Variants in LAMA2 observed in about 807,000 individuals in gnomAD.
LAMA2 encodes the protein laminin subunit alpha-2.
In LAMA2, 269 loss-of-function variants were observed where a neutral mutation model predicts 364.8. The observed-to-expected ratio is 0.74, with a 90% CI of 0.67 to 0.82. LAMA2 has a LOEUF of 0.82. LAMA2 is among the 40% of genes least tolerant of loss of function. LAMA2 has a pLI of 0.00. For synonymous variants in LAMA2, 1,379 were observed against 1,370.6 expected, an observed-to-expected ratio of 1.01 and a Z score of -0.14; for missense variants, 3,807 against 3,873.2, an observed-to-expected ratio of 0.98 and a Z score of 0.45.
In LAMA2 at chr6:129,481,376, C is replaced by T. The variant is rs201578157; in HGVS notation, c.7686C>T (p.Ile2562=). 1 of 1,613,980 alleles carries T rather than the reference C, an allele frequency of 6.2e-7. No homozygotes were observed. The highest frequency in any genetic ancestry group is 2.2e-5 in the East Asian group (1 of 44,868). Residue 2562 remains isoleucine, a synonymous_variant, in exon 55 of 65, where the codon ATC becomes ATT. Transcript: ENST00000421865. ...LSFSTKNESG[I]ILLGSGGTPA... ...TCAGCACCAAGAATGAGTCCGGCAT[C>T]ATTCTTTTGGGAAGTGGAGGGACAC...
intron 20 of LAMA2, among the ~76,000 whole-genome samples, chr6:129,296,588 A>G (rs1213762874): frequency 6.6e-6 from 1 of 152,042 alleles, no homozygotes; most frequent in Non-Finnish European, 1.5e-5. Context: ...TATTTTTAAA[A>G]CTACTAACAA....
chr6:129,464,856 A>G (rs1328879439), intron 50 of LAMA2, among the ~76,000 whole-genome samples: 1 of 151,910 alleles, frequency 6.6e-6, no homozygotes, highest in Admixed American at 6.6e-5. Context: ...CTTTCTGGGA[A>G]CATACCTTTT....
At chr6:129,300,298 G>A (rs1262660606) in intron 21 of LAMA2, among the ~76,000 whole-genome samples, 1 of 152,094 alleles carries the variant, frequency 6.6e-6, no homozygotes, top group Non-Finnish European at 1.5e-5. Context: ...AGCTTATTAA[G>A]CTTATTGGTT....
chr6:128,932,568 A>G (rs11966354), intron 1 of LAMA2, among the ~76,000 whole-genome samples: 6,190 of 152,244 alleles, frequency 0.041, 444 homozygotes, highest in African/African-American at 0.14. Context: ...TGGAACATGA[A>G]TAGTATAGGA....
rs2501464 is a variant in LAMA2 at position 129,329,376 on chromosome 6, T to C, written c.4311+964T>C. Among the ~76,000 whole-genome samples, 616 of 152,060 alleles carry C rather than the reference T, an allele frequency of 4.1e-3. 4 individuals carry two copies. The highest frequency in any genetic ancestry group is 0.014 in the African/African-American group (580 of 41,488). On this transcript the variant is annotated intron_variant, in intron 29 of 64. Coordinates refer to ENST00000421865, the MANE Select transcript of LAMA2 (RefSeq NM_000426.4). ...AGCCATCACCTTTTTGTTTTTTTTT[T>C]CCCCTGAGATGCTGACTCACTCTGT...
chr6:129,023,457 G>C (rs1299953751), intron 1 of LAMA2, among the ~76,000 whole-genome samples: 1 of 152,006 alleles, frequency 6.6e-6, no homozygotes, highest in Non-Finnish European at 1.5e-5. Flanking sequence ...ACACTTCCAT[G>C]GTATCTATTT....
chr6:129,326,717 T>G lies in LAMA2; in HGVS notation c.4177-1561T>G, dbSNP rs571008251. On this transcript the variant is annotated intron_variant, in intron 28 of 64. Coordinates refer to ENST00000421865, the MANE Select transcript of LAMA2 (RefSeq NM_000426.4). ...TATATATATAATTTTATATACATAT[T>G]TATATATTATATATATTTTATATAT... 4.1e-5 allele frequency among the ~76,000 whole-genome samples: 6 copies of G among 145,260 alleles called. No homozygotes were observed. The South Asian group carries it at 1.3e-3, about 31-fold the overall frequency.
At chr6:128,962,185 T>TATATACACACACACAC (rs1214826895) in intron 1 of LAMA2, among the ~76,000 whole-genome samples, 3 of 103,918 alleles carry the variant, frequency 2.9e-5, no homozygotes, top group African/African-American at 7.4e-5. Context: ...TATATATATA[T>TATATACACACACACAC]ACACACATAC....
chr6:129,349,613 A>G (rs1776747444), intron 31 of LAMA2, among the ~76,000 whole-genome samples: 1 of 151,628 alleles, frequency 6.6e-6, no homozygotes, highest in African/African-American at 2.4e-5. Context: ...ACTATTTACA[A>G]TTATCTAACT....
intron 41 of LAMA2, among the ~76,000 whole-genome samples, chr6:129,437,853 T>C (rs1415936886): frequency 6.6e-6 from 1 of 152,010 alleles, no homozygotes; most frequent in Non-Finnish European, 1.5e-5. Flanking sequence ...CTTAATGATT[T>C]CAAATTTTAC....
In LAMA2 at chr6:129,465,033, A is replaced by G. The variant is rs1783468041; in HGVS notation, c.7156-112A>G. On this transcript the variant is annotated intron_variant, in intron 50 of 64. Transcript: ENST00000421865. ...CAAAATGGATTTCTGCAACAGAGTG[A>G]CATATTCAGCAATTTAGCCACAAGA... is the stretch of plus-strand genomic sequence containing the variant. 5 of 851,008 alleles carry G rather than the reference A, an allele frequency of 5.9e-6. No individual in the cohort carries two copies. In the Admixed American group the frequency reaches 8.9e-5, roughly 15 times the overall value. 52.7% of individuals were successfully genotyped at this position (851,008 alleles called of 1,614,324 possible). A position where few individuals can be genotyped will look rare whatever the true frequency, so the allele number is the denominator to read the frequency against.
At chr6:129,424,002 G>A (rs1781205565) in intron 40 of LAMA2, among the ~76,000 whole-genome samples, 1 of 152,038 alleles carries the variant, frequency 6.6e-6, no homozygotes, top group African/African-American at 2.4e-5. Context: ...ATGGTAATCA[G>A]AGAATGTGGT....
rs2114968017 is a variant in LAMA2, at chr6:129,149,105, T to C, written c.1027+9T>C. On this transcript the variant is annotated intron_variant, in intron 7 of 64. Transcript: ENST00000421865. ...TAAAACTGAATGTGAAGGTATGTTCTTTAGAAGCCAACAAAATATGTCATT... is the reference window on the plus strand; with the variant it reads ...TAAAACTGAATGTGAAGGTATGTTCCTTAGAAGCCAACAAAATATGTCATT... 1 of 1,491,334 alleles carries C rather than the reference T, an allele frequency of 6.7e-7. No individual in the cohort carries two copies. The highest frequency in any genetic ancestry group is 1.7e-4 in the Middle Eastern group (1 of 5,816). The allele number at this position is 1,491,334 out of a possible 1,614,324, so 92.4% of individuals were successfully genotyped here.
chr6:129,216,993 A>T (rs998934864), intron 12 of LAMA2, among the ~76,000 whole-genome samples: 1 of 152,068 alleles, frequency 6.6e-6, no homozygotes, highest in African/African-American at 2.4e-5. Context: ...GATCAAGACC[A>T]TCCTGGCCAA....
chr6:129,388,514 T>C (rs1255838426), intron 35 of LAMA2, among the ~76,000 whole-genome samples: 2 of 152,188 alleles, frequency 1.3e-5, no homozygotes, highest in Non-Finnish European at 2.9e-5. Flanking sequence ...TCATTCTTTT[T>C]CCACCAGATT....
intron 27 of LAMA2, 111 bp from the exon 28 acceptor site, chr6:129,320,427 A>T: frequency 1.3e-6 from 1 of 771,680 alleles, no homozygotes; most frequent in Non-Finnish European, 2.4e-6. Context: ...ACAATAGAAC[A>T]TACTTGAGGT....
chr6:129,013,758 T>C (rs1562919506), intron 1 of LAMA2, among the ~76,000 whole-genome samples: 3 of 152,078 alleles, frequency 2.0e-5, no homozygotes, highest in East Asian at 1.9e-4. Context: ...CCAGTTCTCA[T>C]ATAGAGAATT....
At chr6:129,318,404 C>T (rs1774748765) in intron 27 of LAMA2, among the ~76,000 whole-genome samples, 1 of 151,934 alleles carries the variant, frequency 6.6e-6, no homozygotes, top group Non-Finnish European at 1.5e-5. Context: ...CCATTGCTCT[C>T]TAATCCCCTG....
intron 34 of LAMA2, among the ~76,000 whole-genome samples, chr6:129,379,173 T>C (rs1374162292): frequency 6.6e-6 from 1 of 151,934 alleles, no homozygotes; most frequent in Non-Finnish European, 1.5e-5. Flanking sequence ...CATAGACATG[T>C]AGAAGGGAAC....
Sources: gnomAD v4.1 joint callset for allele counts (sites outside exome capture counted in the v4.1 genomes callset) on GRCh38, gnomAD v4.1.1 for gene constraint, MANE v1.5 for transcripts, NCBI Gene and HGNC (gene_info 2026-07-23, HGNC 2026-07-21) for gene names.